VAT1L: variants seen among roughly 807,000 people sequenced by gnomAD.
The protein encoded by VAT1L is vesicle amine transport 1 like, also known as putative NADPH-dependent quinone oxidoreductase VAT1L.
In VAT1L, 34 loss-of-function variants were observed where a neutral mutation model predicts 44.1. The observed-to-expected ratio is 0.77, with a 90% CI of 0.59 to 1.03. The LOEUF (loss-of-function observed/expected upper bound fraction) is 1.03. Among genes scored for constraint, VAT1L ranks in the 50% least tolerant of loss-of-function variants. VAT1L has a pLI of 0.00. For missense variants in VAT1L, 615 were observed against 538.8 expected (o/e 1.14, Z -1.40); for synonymous variants, 253 against 202.2 (o/e 1.25, Z -2.13).
intron 7 of VAT1L, among the ~76,000 whole-genome samples, chr16:77,945,159 G>T (rs1045003787): frequency 2.6e-5 from 4 of 152,036 alleles, no homozygotes; most frequent in Non-Finnish European, 5.9e-5. Context: ...TCCAATCTGT[G>T]GGGGCACAAA....
At chr16:77,920,806 G>C (rs1163476191) in intron 7 of VAT1L, among the ~76,000 whole-genome samples, 1 of 152,126 alleles carries the variant, frequency 6.6e-6, no homozygotes, top group Non-Finnish European at 1.5e-5. Flanking sequence ...ATACGGCCTA[G>C]GTGTATGGTA....
At chr16:77,932,102 A>AT (rs33928206) in intron 7 of VAT1L, among the ~76,000 whole-genome samples, 51,580 of 126,552 alleles carry the variant, frequency 0.41, 11,849 homozygotes, top group South Asian at 0.48. Context: ...AAATACAGTA[A>AT]TTTTTTTTTT....
chr16:77,965,230 A>G (rs542125192), intron 7 of VAT1L, among the ~76,000 whole-genome samples: 86 of 152,328 alleles, frequency 5.6e-4, no homozygotes, highest in African/African-American at 1.8e-3. Flanking sequence ...ACAAATAAAT[A>G]AATGAATGAA....
chr16:77,810,159 T>C (rs1188115290), intron 1 of VAT1L, among the ~76,000 whole-genome samples: 1 of 152,190 alleles, frequency 6.6e-6, no homozygotes, highest in Non-Finnish European at 1.5e-5. Context: ...TTACTTTCTA[T>C]TTAACCATTT....
chr16:77,822,778 G>A (rs188812396), intron 2 of VAT1L, among the ~76,000 whole-genome samples: 38 of 152,294 alleles, frequency 2.5e-4, no homozygotes, highest in Non-Finnish European at 1.0e-4. Context: ...AAAGCGAGCA[G>A]ACCAGACTTT....
At chr16:77,955,097 G>A (rs1026711703) in intron 7 of VAT1L, among the ~76,000 whole-genome samples, 1 of 152,200 alleles carries the variant, frequency 6.6e-6, no homozygotes, top group Non-Finnish European at 1.5e-5. Context: ...TTGGGAAAGA[G>A]CAGAACAAAA....
chr16:77,834,544 T>G (rs1027931879), intron 3 of VAT1L, among the ~76,000 whole-genome samples: 1 of 152,170 alleles, frequency 6.6e-6, no homozygotes, highest in African/African-American at 2.4e-5. Flanking sequence ...CTGGTAGGTG[T>G]TGAAGTCAAC....
At chr16:77,796,637 G>T (rs1024722588) in intron 1 of VAT1L, among the ~76,000 whole-genome samples, 5 of 152,142 alleles carry the variant, frequency 3.3e-5, no homozygotes, top group African/African-American at 1.2e-4. Flanking sequence ...CAGTCTTGAC[G>T]GTGCCTTGCA....
Position 77,876,558 on chromosome 16 carries a change from GCT to G in VAT1L, c.826+86_826+87del, listed in dbSNP as rs2017089441. Reference sequence around the variant, plus strand: ...GCAAAGGCTCTGAAAAGTGAATTGTGCTGATATGTTGGGGTAGTGGGATGGGG... The same window carrying G: ...GCAAAGGCTCTGAAAAGTGAATTGTGGATATGTTGGGGTAGTGGGATGGGG... On this transcript the variant is annotated intron_variant, in intron 5 of 8. Coordinates refer to ENST00000302536, the MANE Select transcript of VAT1L (RefSeq NM_020927.3). 15 of 1,234,636 alleles carry G rather than the reference GCT, an allele frequency of 1.2e-5. No homozygotes were observed. In the Admixed American group the frequency reaches 2.4e-4, roughly 20 times the overall value. 76.5% of individuals were successfully genotyped at this position (1,234,636 alleles called of 1,614,324 possible).
intron 8 of VAT1L, among the ~76,000 whole-genome samples, chr16:77,975,607 G>A (rs949423304): frequency 7.9e-5 from 12 of 152,172 alleles, no homozygotes; most frequent in Admixed American, 1.3e-4. Flanking sequence ...GCTCTAAGGC[G>A]TGTGGGCAGC....
chr16:77,913,589 G>T (rs951278706), intron 7 of VAT1L, among the ~76,000 whole-genome samples: 3 of 151,956 alleles, frequency 2.0e-5, no homozygotes, highest in African/African-American at 7.3e-5. Context: ...AGTCTCCATT[G>T]TTGGTTCTTC....
intron 1 of VAT1L, among the ~76,000 whole-genome samples, chr16:77,808,655 G>A (rs1412315933): frequency 1.3e-5 from 2 of 152,042 alleles, no homozygotes; most frequent in African/African-American, 2.4e-5. Flanking sequence ...GAGTGCAATG[G>A]CGCAATCTTA....
At chr16:77,894,114 G>A (rs1286189801) in intron 7 of VAT1L, among the ~76,000 whole-genome samples, 1 of 152,132 alleles carries the variant, frequency 6.6e-6, no homozygotes, top group Non-Finnish European at 1.5e-5. Context: ...CCATGCTATG[G>A]ACATTAGCGT....
In VAT1L at chr16:77,788,690, A is replaced by C; in HGVS notation, c.8A>C (p.Lys3Thr). MA[K>T]EGVEKAEETE... is the part of the protein sequence containing the mutation. ...CCCGCGCCCTCGAGCGCCATGGCCA[A>C]GGAAGGCGTGGAGAAGGCGGAGGAG... Residue 3 changes from lysine (K) to threonine (T), a missense_variant, in exon 1 of 9, where the codon AAG (lysine) becomes ACG (threonine). Coordinates refer to ENST00000302536, the MANE Select transcript of VAT1L (RefSeq NM_020927.3). 1 of 1,550,328 alleles carries C rather than the reference A, an allele frequency of 6.5e-7. No homozygotes were observed. Among genetic ancestry groups the C allele is most frequent in the East Asian group, 2.4e-5 (1 of 41,136 alleles).
intron 7 of VAT1L, among the ~76,000 whole-genome samples, chr16:77,931,616 G>T (rs1333784462): frequency 1.3e-5 from 2 of 152,162 alleles, no homozygotes; most frequent in Non-Finnish European, 2.9e-5. Context: ...GTTTTAAAAA[G>T]TGATTTTATA....
intron 7 of VAT1L, among the ~76,000 whole-genome samples, chr16:77,931,598 C>G (rs1050869730): frequency 2.6e-5 from 4 of 152,180 alleles, no homozygotes; most frequent in African/African-American, 7.2e-5. Context: ...AATTACTTTT[C>G]ATCATACGTT....
intron 7 of VAT1L, among the ~76,000 whole-genome samples, chr16:77,948,496 G>A (rs2017998892): frequency 6.6e-6 from 1 of 152,084 alleles, no homozygotes; most frequent in African/African-American, 2.4e-5. Flanking sequence ...GTTGTCATTT[G>A]GGGAAGAAAG....
intron 1 of VAT1L, among the ~76,000 whole-genome samples, chr16:77,815,643 C>A (rs2016337523): frequency 6.6e-6 from 1 of 151,928 alleles, no homozygotes; most frequent in African/African-American, 2.4e-5. Flanking sequence ...CCAAAGAGAC[C>A]AGGGAAGAAA....
intron 5 of VAT1L, among the ~76,000 whole-genome samples, chr16:77,878,872 C>T (rs2017117739): frequency 6.6e-6 from 1 of 152,168 alleles, no homozygotes; most frequent in South Asian, 2.1e-4. Context: ...GACATTTCAG[C>T]AACTCATCAT....
Sources: allele counts gnomAD v4.1 joint callset (sites outside exome capture counted in the v4.1 genomes callset), GRCh38; gene constraint gnomAD v4.1.1; transcripts MANE v1.5; gene names NCBI Gene and HGNC (gene_info 2026-07-23, HGNC 2026-07-21).